The following HHIPL1 variants were observed in gnomAD, a reference collection of about 807,000 sequenced individuals.
The protein encoded by HHIPL1 is HHIP-like protein 1.
In HHIPL1, 43 loss-of-function variants were observed where a neutral mutation model predicts 61.8. The ratio of observed to expected loss-of-function variants is 0.70; its 90% CI spans 0.55 to 0.90. The LOEUF (loss-of-function observed/expected upper bound fraction) is 0.90, where lower values mean the gene tolerates loss of function less well. Ranked by LOEUF, HHIPL1 falls within the 40% of genes least tolerant of loss-of-function variation. HHIPL1 has a pLI of 0.00. For missense variants in HHIPL1, 1,056 were observed against 1,157.7 expected (o/e 0.91, Z 1.28); for synonymous variants, 482 against 515.8 (o/e 0.93, Z 0.89).
Position 99,668,309 on chromosome 14 carries a change from TC to T in HHIPL1, c.1730+9del, listed in dbSNP as rs765112430. On this transcript the variant is annotated splice_region_variant and intron_variant, in intron 7 of 8. Coordinates refer to ENST00000330710, the MANE Select transcript of HHIPL1 (RefSeq NM_001127258.3). The surrounding 1 kb of genome is among the most constrained non-coding windows in gnomAD (Gnocchi z 4.7). ...AAAATAATTGACGCATCCAGGTGAG[TC>T]CCAGCCTCCAGGACAGGGAGCTCCT... The T allele has an allele frequency of 4.4e-6, 7 of 1,582,508 alleles. No individual in the cohort carries two copies. The highest frequency in any genetic ancestry group is 1.3e-5 in the African/African-American group (1 of 74,164).
chr14:99,618,480 T>C, the HHIPL1 span, among the ~76,000 whole-genome samples: 1 of 146,416 alleles, frequency 6.8e-6, no homozygotes, highest in South Asian at 2.1e-4. Context: ...CTTCGCCTCA[T>C]GGTTGCCAGG....
chr14:99,653,268 G>A (rs889476217), intron 2 of HHIPL1, among the ~76,000 whole-genome samples: 11 of 152,194 alleles, frequency 7.2e-5, no homozygotes, highest in African/African-American at 2.7e-4. Context: ...ACCCTGATCT[G>A]TTGTCTCCAA....
the HHIPL1 span, among the ~76,000 whole-genome samples, chr14:99,624,037 A>G: frequency 6.6e-6 from 1 of 152,222 alleles, no homozygotes; most frequent in Non-Finnish European, 1.5e-5. Context: ...CACCTCTCAC[A>G]TTGCCTTTGA....
chr14:99,660,521 T>C lies in HHIPL1; in HGVS notation c.1502+115T>C. 7.5e-7 allele frequency: 1 copy of C among 1,328,536 alleles called. No individual in the cohort carries two copies. The highest frequency in any genetic ancestry group is 1.0e-6 in the Non-Finnish European group (1 of 960,458). The allele number at this position is 1,328,536 out of a possible 1,614,324, so 82.3% of individuals were successfully genotyped here. The stretch of plus-strand genomic sequence containing the variant: ...CGTTCCTGCACATGTGCCTCGCTGC[T>C]CTGACAGGGGCCCCTAGGTGTGGGC... On this transcript the variant is annotated intron_variant, in intron 5 of 8. Coordinates refer to ENST00000330710, the MANE Select transcript of HHIPL1 (RefSeq NM_001127258.3). This position sits in a 1 kb window ranked among gnomAD's most constrained non-coding sequence, Gnocchi z 4.9.
intron 7 of HHIPL1, among the ~76,000 whole-genome samples, chr14:99,670,067 G>C (rs969285613): frequency 6.6e-6 from 1 of 151,560 alleles, no homozygotes; most frequent in African/African-American, 2.4e-5. Flanking sequence ...TAGTCAACTA[G>C]TATCAGTCCA....
the HHIPL1 span, among the ~76,000 whole-genome samples, chr14:99,606,048 G>C: frequency 6.6e-6 from 1 of 152,188 alleles, no homozygotes; most frequent in African/African-American, 2.4e-5. Flanking sequence ...CACATGTTGA[G>C]AAGAGATGGA....
chr14:99,637,050 G>GAAAGAAA, the HHIPL1 span, among the ~76,000 whole-genome samples: 50 of 44,152 alleles, frequency 1.1e-3, 1 homozygote, highest in Admixed American at 2.9e-3. Flanking sequence ...AAAGAAAGAA[G>GAAAGAAA]GAAGGAAGGA....
At chr14:99,655,596 C>T (rs1057269775) in intron 2 of HHIPL1, among the ~76,000 whole-genome samples, 8 of 151,920 alleles carry the variant, frequency 5.3e-5, no homozygotes, top group African/African-American at 1.2e-4. Flanking sequence ...TGCACTCCGG[C>T]CTGGGTGGTA....
chr14:99,638,492 A>G, the HHIPL1 span, among the ~76,000 whole-genome samples: 2 of 152,180 alleles, frequency 1.3e-5, no homozygotes, highest in Admixed American at 1.3e-4. Flanking sequence ...CTGGGTGTCC[A>G]CTGGCCTATG....
the HHIPL1 span, among the ~76,000 whole-genome samples, chr14:99,617,087 G>A: frequency 9.9e-5 from 15 of 152,138 alleles, no homozygotes; most frequent in African/African-American, 3.6e-4. Context: ...GTAGATTACA[G>A]ACTGTCAGAG....
the HHIPL1 span, among the ~76,000 whole-genome samples, chr14:99,627,017 A>G: frequency 2.2e-3 from 338 of 152,210 alleles, 1 homozygote; most frequent in African/African-American, 7.7e-3. This position sits in a 1 kb window ranked among gnomAD's most constrained non-coding sequence, Gnocchi z 4.4. Flanking sequence ...GCTCACCAAG[A>G]CACTTGAGCC....
chr14:99,606,678 G>C, the HHIPL1 span, among the ~76,000 whole-genome samples: 1 of 152,242 alleles, frequency 6.6e-6, no homozygotes, highest in African/African-American at 2.4e-5. Context: ...TACAGGCTGT[G>C]TGGACCAAGG....
chr14:99,631,098 T>TTCTTTCTCTC, the HHIPL1 span, among the ~76,000 whole-genome samples: 1 of 133,024 alleles, frequency 7.5e-6, no homozygotes, highest in Non-Finnish European at 1.7e-5. Context: ...CTTTCTTTCT[T>TTCTTTCTCTC]TCTTTCTTTC....
upstream of HHIPL1, among the ~76,000 whole-genome samples, chr14:99,640,877 CT>C (rs59137552): frequency 0.011 from 778 of 69,810 alleles, no homozygotes; most frequent in African/African-American, 0.04. Context: ...ACTTCTTCTT[CT>C]TTTTTTTTTT....
At chr14:99,633,239 T>A in the HHIPL1 span, among the ~76,000 whole-genome samples, 1 of 152,172 alleles carries the variant, frequency 6.6e-6, no homozygotes, top group African/African-American at 2.4e-5. Context: ...TGCAAGACCC[T>A]GCAGCCCAGA....
the HHIPL1 span, among the ~76,000 whole-genome samples, chr14:99,606,641 A>G: frequency 6.6e-6 from 1 of 152,136 alleles, no homozygotes; most frequent in Non-Finnish European, 1.5e-5. Flanking sequence ...TGAAGCCTCT[A>G]TCTAGGTGGG....
At position 99,645,407 on chromosome 14, in the gene HHIPL1, TG is replaced by T; in HGVS notation, c.202del (p.Asp68ThrfsTer108). On this transcript the variant is annotated frameshift_variant, in exon 1 of 9. Coordinates refer to ENST00000330710, the MANE Select transcript of HHIPL1 (RefSeq NM_001127258.3). LOFTEE classifies it high-confidence loss of function. Reference protein sequence around the residue: ...TRRFWALASRVDAAEWAACAG... With the variant: ...TRRFWALASRXDAAEWAACAG... ...CGCTTCTGGGCCCTGGCGAGCCGCGTGGACGCCGCCGAGTGGGCCGCGTGCG... is the reference window on the plus strand; with the variant it reads ...CGCTTCTGGGCCCTGGCGAGCCGCGTGACGCCGCCGAGTGGGCCGCGTGCG... 1 of 1,408,308 alleles carries T rather than the reference TG, an allele frequency of 7.1e-7. No homozygotes were observed. The allele number at this position is 1,408,308 out of a possible 1,614,324, so 87.2% of individuals were successfully genotyped here. A position where few individuals can be genotyped will look rare whatever the true frequency, so the allele number is the denominator to read the frequency against.
the HHIPL1 span, chr14:99,625,379 C>G: frequency 6.6e-6 from 1 of 152,244 alleles, no homozygotes; most frequent in African/African-American, 2.4e-5. Flanking sequence ...GTCTCCTGAC[C>G]ACGATGCCAA....
Position 99,656,875 on chromosome 14 carries a change from G to A in HHIPL1, c.903-125G>A, listed in dbSNP as rs1488155741. 2.8e-3 allele frequency: 160 copies of A among 57,206 alleles called. 37 individuals carry two copies. The highest frequency in any genetic ancestry group is 7.2e-3 in the Admixed American group (28 of 3,872). 3.5% of individuals were successfully genotyped at this position (57,206 alleles called of 1,614,324 possible). A position where few individuals can be genotyped will look rare whatever the true frequency, so the allele number is the denominator to read the frequency against. ...AGGAAGGAAGGAAGGAAGGAAGGAA[G>A]GAAGGAAGGAAGGAAGGAAGGTCTT... On this transcript the variant is annotated intron_variant, in intron 2 of 8. Transcript: ENST00000330710.
Sources: allele counts gnomAD v4.1 joint callset (sites outside exome capture counted in the v4.1 genomes callset), GRCh38; gene constraint gnomAD v4.1.1; non-coding constraint Gnocchi (gnomAD v3.1); transcripts MANE v1.5; gene names NCBI Gene and HGNC (gene_info 2026-07-23, HGNC 2026-07-21).